Variants in IL1RAPL1 observed in about 807,000 individuals in gnomAD.
The protein encoded by IL1RAPL1 is interleukin-1 receptor accessory protein-like 1.
In IL1RAPL1, 3 loss-of-function variants were observed where a neutral mutation model predicts 48.4. The ratio of observed to expected loss-of-function variants is 0.06; its 90% CI spans 0.03 to 0.16. The LOEUF (loss-of-function observed/expected upper bound fraction) is 0.16, where lower values mean the gene tolerates loss of function less well. Among genes scored for constraint, IL1RAPL1 ranks in the 10% least tolerant of loss-of-function variants. The pLI, the probability that IL1RAPL1 is intolerant of heterozygous loss-of-function variation, is 1.00. For synonymous variants in IL1RAPL1, 185 were observed against 187.7 expected, an observed-to-expected ratio of 0.99 and a Z score of 0.12; for missense variants, 349 against 530.6, an observed-to-expected ratio of 0.66 and a Z score of 3.36.
intron 6 of IL1RAPL1, among the ~76,000 whole-genome samples, chrX:29,714,674 C>T (rs781050030): frequency 9.0e-6 from 1 of 111,671 alleles, no homozygotes; most frequent in African/African-American, 3.3e-5. Context: ...GTTTAGCTGC[C>T]TTAGATTCTA....
chrX:29,774,052 C>T (rs1276290603), intron 6 of IL1RAPL1, among the ~76,000 whole-genome samples: 1 of 110,513 alleles, frequency 9.0e-6, no homozygotes, highest in Non-Finnish European at 1.9e-5. Context: ...ATATGAGAAA[C>T]TACTATTTAT....
At chrX:28,864,467 C>T (rs1922029408) in intron 2 of IL1RAPL1, among the ~76,000 whole-genome samples, 1 of 111,548 alleles carries the variant, frequency 9.0e-6, no homozygotes, top group African/African-American at 3.3e-5. Flanking sequence ...GAGAAATACT[C>T]TCATAAAAAC....
chrX:29,129,658 G>A (rs992298147), intron 2 of IL1RAPL1, among the ~76,000 whole-genome samples: 2 of 95,337 alleles, frequency 2.1e-5, no homozygotes, highest in African/African-American at 8.1e-5. Context: ...GCAGTGGCGC[G>A]ATCTCGGCTC....
chrX:29,486,679 T>C (rs747752383), intron 5 of IL1RAPL1, among the ~76,000 whole-genome samples: 1 of 104,303 alleles, frequency 9.6e-6, no homozygotes, highest in Admixed American at 1.0e-4. Context: ...TCTGCTCTGA[T>C]GTGTAATTAT....
chrX:29,450,519 GC>G (rs1934667138), intron 5 of IL1RAPL1, among the ~76,000 whole-genome samples: 1 of 111,351 alleles, frequency 9.0e-6, no homozygotes, highest in South Asian at 3.7e-4. Flanking sequence ...GCCAGATTTT[GC>G]CCCCAAGCCA....
intron 1 of IL1RAPL1, among the ~76,000 whole-genome samples, chrX:28,632,741 T>C (rs1212384055): frequency 8.9e-6 from 1 of 111,893 alleles, no homozygotes; most frequent in Admixed American, 9.5e-5. Context: ...AAAATAAATT[T>C]AGTGAAGAGT....
In IL1RAPL1 at chrX:29,555,845, A is replaced by G. The variant is rs1275189516; in HGVS notation, c.704-112585A>G. ...AAAGTTTTTAGGAAAGGAAAAGAAC[A>G]CTGGGGAGGGGGGAAACAAAATTAA... On this transcript the variant is annotated intron_variant, in intron 5 of 10. Transcript: ENST00000378993. 4.5e-5 allele frequency among the ~76,000 whole-genome samples: 5 copies of G among 112,126 alleles called. No homozygotes were observed. In the Admixed American group the frequency reaches 4.7e-4, roughly 11 times the overall value.
intron 6 of IL1RAPL1, among the ~76,000 whole-genome samples, chrX:29,884,856 C>G (rs1055433453): frequency 9.0e-6 from 1 of 111,519 alleles, no homozygotes; most frequent in Non-Finnish European, 1.9e-5. Flanking sequence ...TCCAATCTGT[C>G]AGGAAATTTT....
At chrX:28,781,625 G>A (rs2147261878) in intron 1 of IL1RAPL1, among the ~76,000 whole-genome samples, 2 of 110,256 alleles carry the variant, frequency 1.8e-5, no homozygotes, top group African/African-American at 3.3e-5. Context: ...CCTAATCATG[G>A]GCATGATATC....
chrX:29,680,798 T>C (rs1926428438), intron 6 of IL1RAPL1, among the ~76,000 whole-genome samples: 1 of 111,422 alleles, frequency 9.0e-6, no homozygotes, highest in Admixed American at 9.5e-5. Flanking sequence ...ACTCTTCCAT[T>C]GCTCTTCTCC....
chrX:29,878,753 G>T, intron 6 of IL1RAPL1, among the ~76,000 whole-genome samples: 1 of 111,895 alleles, frequency 8.9e-6, no homozygotes, highest in Non-Finnish European at 1.9e-5. Context: ...CTAAGAAATG[G>T]CATGAAGGTA....
intron 5 of IL1RAPL1, among the ~76,000 whole-genome samples, chrX:29,597,248 G>A (rs1224967280): frequency 9.4e-6 from 1 of 106,365 alleles, no homozygotes; most frequent in Non-Finnish European, 1.9e-5. Context: ...CTGCCTCCCA[G>A]GTTCAATCGA....
At chrX:28,781,714 G>A (rs1436344373) in intron 1 of IL1RAPL1, among the ~76,000 whole-genome samples, 1 of 110,792 alleles carries the variant, frequency 9.0e-6, no homozygotes, top group African/African-American at 3.3e-5. Flanking sequence ...GGAAGTCTTG[G>A]GGCCCATCTC....
At chrX:29,510,368 C>A (rs1935381415) in intron 5 of IL1RAPL1, among the ~76,000 whole-genome samples, 1 of 111,958 alleles carries the variant, frequency 8.9e-6, no homozygotes, top group Admixed American at 9.4e-5. Flanking sequence ...CTAAAAAATT[C>A]TTTGAAAGGT....
intron 2 of IL1RAPL1, among the ~76,000 whole-genome samples, chrX:29,254,333 A>T (rs1430176994): frequency 8.9e-6 from 1 of 111,738 alleles, no homozygotes; most frequent in Non-Finnish European, 1.9e-5. Context: ...TATGATTTAT[A>T]CTTATGGATA....
intron 6 of IL1RAPL1, among the ~76,000 whole-genome samples, chrX:29,837,294 T>TAC (rs1435991693): frequency 1.0e-3 from 76 of 74,869 alleles, no homozygotes; most frequent in African/African-American, 4.7e-3. Flanking sequence ...TATATATATA[T>TAC]ATATATACAC....
intron 2 of IL1RAPL1, among the ~76,000 whole-genome samples, chrX:29,102,813 T>C (rs28813200): frequency 9.0e-6 from 1 of 111,647 alleles, no homozygotes; most frequent in Non-Finnish European, 1.9e-5. Context: ...CAAAAATCGG[T>C]AGCATTTCTA....
intron 2 of IL1RAPL1, among the ~76,000 whole-genome samples, chrX:29,150,196 G>A (rs1929433502): frequency 8.9e-6 from 1 of 111,875 alleles, no homozygotes; most frequent in Admixed American, 9.5e-5. Context: ...CAAGGCACTG[G>A]GAATAGAGCA....
chrX:29,090,458 T>G (rs1265744312), intron 2 of IL1RAPL1, among the ~76,000 whole-genome samples: 1 of 112,232 alleles, frequency 8.9e-6, no homozygotes, highest in African/African-American at 3.2e-5. Context: ...TTCAGCTCTT[T>G]AAAAGTTTGA....
Sources: gnomAD v4.1 joint callset for allele counts (sites outside exome capture counted in the v4.1 genomes callset) on GRCh38, gnomAD v4.1.1 for gene constraint, MANE v1.5 for transcripts, NCBI Gene and HGNC (gene_info 2026-07-23, HGNC 2026-07-21) for gene names.